Variants in RASSF8 observed in about 807,000 individuals in gnomAD.
RASSF8 encodes Ras association domain family member 8.
A neutral mutation model predicts 48.5 loss-of-function variants in RASSF8; 22 were observed. That is an observed-to-expected ratio of 0.45 (90% CI 0.32 to 0.65). RASSF8 has a LOEUF of 0.65. Among genes scored for constraint, RASSF8 ranks in the 30% least tolerant of loss-of-function variants. The pLI, the probability that RASSF8 is intolerant of heterozygous loss-of-function variation, is 0.03. For missense variants in RASSF8, 418 were observed against 489.2 expected (o/e 0.85, Z 1.37); for synonymous variants, 127 against 171.5 (o/e 0.74, Z 2.03).
At chr12:26,048,118 G>A (rs1030138424) in intron 2 of RASSF8, among the ~76,000 whole-genome samples, 9 of 152,198 alleles carry the variant, frequency 5.9e-5, no homozygotes, top group Non-Finnish European at 1.0e-4. Context: ...TATGTCAAGG[G>A]CAATTGAGCC....
intron 1 of RASSF8, among the ~76,000 whole-genome samples, chr12:25,962,853 A>G (rs189291720): frequency 6.6e-6 from 1 of 152,338 alleles, no homozygotes; most frequent in African/African-American, 2.4e-5. Context: ...GGCCTTTGCA[A>G]ATATCAGGTA....
intron 2 of RASSF8, among the ~76,000 whole-genome samples, chr12:26,050,982 G>A (rs1943478250): frequency 1.3e-5 from 2 of 152,056 alleles, no homozygotes; most frequent in African/African-American, 4.8e-5. Context: ...ATTTCTTAGG[G>A]TGGTTTAGGA....
intron 1 of RASSF8, among the ~76,000 whole-genome samples, chr12:25,990,394 C>A (rs1941987424): frequency 6.6e-6 from 1 of 152,112 alleles, no homozygotes; most frequent in African/African-American, 2.4e-5. Context: ...TGGAATGAAA[C>A]CCATATCTTC....
upstream of RASSF8, chr12:25,958,549 G>A (rs948542385): frequency 3.5e-4 from 52 of 149,074 alleles, no homozygotes; most frequent in African/African-American, 1.2e-3. Context: ...GCTGAAACCC[G>A]AGCGCCCGGC....
At chr12:26,003,373 T>C (rs2136991419) in intron 2 of RASSF8, among the ~76,000 whole-genome samples, 1 of 152,320 alleles carries the variant, frequency 6.6e-6, no homozygotes, top group East Asian at 1.9e-4. Flanking sequence ...TTGTTGAAGA[T>C]TTTTGCATCT....
intron 2 of RASSF8, among the ~76,000 whole-genome samples, chr12:26,037,316 C>A (rs191783047): frequency 1.3e-5 from 2 of 152,188 alleles, no homozygotes; most frequent in African/African-American, 4.8e-5. Context: ...TTGTCACCTC[C>A]GTGGATCTTT....
Position 26,064,677 on chromosome 12 carries a change from C to A in RASSF8, c.283C>A (p.Arg95=), listed in dbSNP as rs1348257516. The A allele has an allele frequency of 6.2e-7, 1 of 1,614,022 alleles. No homozygotes were observed. The highest frequency in any genetic ancestry group is 1.3e-5 in the African/African-American group (1 of 75,016). Residue 95 remains arginine, a synonymous_variant, in exon 4 of 6, where the codon CGA becomes AGA. Transcript: ENST00000689635. ...GCGACCCACTTCAGACAGTGTGGCT[C>A]GAATTCCTGAAAGAACTTTATACAG... ...SERPTSDSVA[R]IPERTLYRQS... is the part of the protein sequence containing the mutation.
intron 1 of RASSF8, among the ~76,000 whole-genome samples, chr12:25,985,412 T>C (rs1208540170): frequency 6.6e-6 from 1 of 152,100 alleles, no homozygotes; most frequent in Non-Finnish European, 1.5e-5. Context: ...CGAAGGGAAA[T>C]ACATAAGGAT....
At chr12:25,979,446 A>T (rs1941686494) in intron 1 of RASSF8, among the ~76,000 whole-genome samples, 1 of 152,160 alleles carries the variant, frequency 6.6e-6, no homozygotes. Context: ...TTTCTGAAGA[A>T]CAGTGAGGTT....
At chr12:25,985,942 C>A (rs947293965) in intron 1 of RASSF8, among the ~76,000 whole-genome samples, 12 of 152,286 alleles carry the variant, frequency 7.9e-5, no homozygotes, top group South Asian at 4.2e-4. Context: ...ACAAGGAAAA[C>A]CCCTATTTCA....
chr12:25,987,225 C>T (rs1021504004), intron 1 of RASSF8, among the ~76,000 whole-genome samples: 8 of 152,170 alleles, frequency 5.3e-5, no homozygotes, highest in African/African-American at 1.9e-4. Flanking sequence ...TGAGCTACCA[C>T]GCCTGGCCCA....
intron 1 of RASSF8, among the ~76,000 whole-genome samples, chr12:25,986,021 G>C (rs1941865623): frequency 6.6e-6 from 1 of 152,184 alleles, no homozygotes; most frequent in Non-Finnish European, 1.5e-5. Flanking sequence ...TGGCCCACAG[G>C]GCTATAAAAG....
At chr12:26,053,103 A>G (rs1311918035) in intron 2 of RASSF8, 1 of 152,154 alleles carries the variant, frequency 6.6e-6, no homozygotes, top group Non-Finnish European at 1.5e-5. Context: ...TCTGCTGTCC[A>G]ACATGATGCC....
rs529187687 is a variant in RASSF8 at position 26,023,292 on chromosome 12, C to G, written c.-109+28162C>G. On this transcript the variant is annotated intron_variant, in intron 2 of 5. Transcript: ENST00000689635. ...GAGATTTGATAGAAAACATTATACACTCAAAAAGCTCAACAATTTCCAAGT... is the reference window on the plus strand; with the variant it reads ...GAGATTTGATAGAAAACATTATACAGTCAAAAAGCTCAACAATTTCCAAGT... Among the ~76,000 whole-genome samples, 11 of 152,194 alleles carry G rather than the reference C, an allele frequency of 7.2e-5. No individual in the cohort carries two copies. In the East Asian group the frequency reaches 1.9e-3, roughly 27 times the overall value.
intron 2 of RASSF8, among the ~76,000 whole-genome samples, chr12:26,004,275 C>G (rs1942332303): frequency 6.6e-6 from 1 of 152,138 alleles, no homozygotes; most frequent in African/African-American, 2.4e-5. Context: ...ATACTGAACT[C>G]CTGAGCTGTT....
chr12:26,040,312 C>G (rs1209261123), intron 2 of RASSF8, among the ~76,000 whole-genome samples: 1 of 152,114 alleles, frequency 6.6e-6, no homozygotes, highest in Non-Finnish European at 1.5e-5. Context: ...TATCATTCTG[C>G]CACTAGTAAG....
chr12:26,067,768 T>C, intron 5 of RASSF8, 55 bp downstream of exon 5: 16 of 1,600,744 alleles, frequency 1.0e-5, no homozygotes, highest in Non-Finnish European at 8.5e-7. Context: ...GCTTAACTTT[T>C]TTTGTTTTTG....
At chr12:26,045,242 T>C (rs1041823017) in intron 2 of RASSF8, among the ~76,000 whole-genome samples, 3 of 152,172 alleles carry the variant, frequency 2.0e-5, no homozygotes, top group Non-Finnish European at 4.4e-5. Flanking sequence ...TACCAAATAT[T>C]ATTTTTGGCT....
downstream of RASSF8, among the ~76,000 whole-genome samples, chr12:26,076,083 C>T (rs1004339518): frequency 3.9e-5 from 6 of 151,986 alleles, no homozygotes; most frequent in Non-Finnish European, 5.9e-5. Flanking sequence ...GAAACAATTT[C>T]CCATCAATAT....
Sources: allele counts gnomAD v4.1 joint callset (sites outside exome capture counted in the v4.1 genomes callset), GRCh38; gene constraint gnomAD v4.1.1; transcripts MANE v1.5; gene names NCBI Gene and HGNC (gene_info 2026-07-23, HGNC 2026-07-21).